PDIA3: variants seen among roughly 807,000 people sequenced by gnomAD.
PDIA3 encodes the protein protein disulfide isomerase family A member 3.
Under a neutral mutation model 56.9 loss-of-function variants are expected in PDIA3, and 16 were observed. The observed-to-expected ratio is 0.28, with a 90% confidence interval of 0.19 to 0.43. The LOEUF is 0.43. Ranked by LOEUF, PDIA3 falls within the 20% of genes least tolerant of loss-of-function variation. The pLI is 1.00. For synonymous variants in PDIA3, 192 were observed against 216.5 expected, an observed-to-expected ratio of 0.89 and a Z score of 0.99; for missense variants, 485 against 621.3, an observed-to-expected ratio of 0.78 and a Z score of 2.33.
intron 1 of PDIA3, among the ~76,000 whole-genome samples, chr15:43,749,299 G>A (rs1418717867): frequency 1.3e-5 from 2 of 151,774 alleles, no homozygotes; most frequent in African/African-American, 4.8e-5. Context: ...CACCATGTTA[G>A]CCTGATGGTG....
chr15:43,754,422 A>T, intron 2 of PDIA3, among the ~76,000 whole-genome samples: 1 of 151,376 alleles, frequency 6.6e-6, no homozygotes, highest in East Asian at 1.9e-4. Context: ...AATTAAAAGT[A>T]GTGAGAGTAA....
intron 1 of PDIA3, among the ~76,000 whole-genome samples, chr15:43,747,763 CTT>C (rs1252057126): frequency 1.3e-5 from 2 of 152,080 alleles, no homozygotes; most frequent in African/African-American, 4.8e-5. Context: ...TTGTGTATAA[CTT>C]TTATTTGCTT....
At chr15:43,766,626 C>A in intron 7 of PDIA3, 102 bp from the exon 8 acceptor site, 1 of 877,730 alleles carries the variant, frequency 1.1e-6, no homozygotes, top group East Asian at 2.6e-5. Flanking sequence ...AAGGCTAGAA[C>A]TATAGAACTT....
At chr15:43,770,174 T>G (rs1297447135) in intron 10 of PDIA3, 76 bp from the exon 11 acceptor site, 2 of 1,166,638 alleles carry the variant, frequency 1.7e-6, no homozygotes, top group Non-Finnish European at 1.3e-6. Context: ...GAGATTGTTT[T>G]AAGTCTTCAA....
intron 9 of PDIA3, 89 bp downstream of exon 9, chr15:43,768,686 G>A (rs933679789): frequency 1.9e-5 from 16 of 830,596 alleles, no homozygotes; most frequent in South Asian, 4.7e-5. Flanking sequence ...TGAAGACTTC[G>A]TTGGCCATCT....
At chr15:43,766,649 C>A in intron 7 of PDIA3, 79 bp from the exon 8 acceptor site, 2 of 1,123,054 alleles carry the variant, frequency 1.8e-6, no homozygotes, top group South Asian at 1.5e-5. Context: ...TCTTTGCTTT[C>A]CAATCACTTG....
At chr15:43,760,320 G>C (rs1220412012) in intron 3 of PDIA3, among the ~76,000 whole-genome samples, 2 of 151,496 alleles carry the variant, frequency 1.3e-5, no homozygotes, top group Non-Finnish European at 2.9e-5. Context: ...GACCCTGGGA[G>C]GTCGAGGCTG....
chr15:43,749,385 G>C (rs567972965), intron 1 of PDIA3, among the ~76,000 whole-genome samples: 36 of 152,262 alleles, frequency 2.4e-4, no homozygotes, highest in Non-Finnish European at 4.1e-4. Context: ...CACCTAGCCT[G>C]GCCTCTGTAT....
At position 43,746,612 on chromosome 15, in the gene PDIA3, T is replaced by A; in HGVS notation, c.73T>A (p.Ser25Thr). ...LLAAARLAAA[S>T]DVLELTDDNF... ...TGCCGCGGCCCGCCTCGCCGCTGCC[T>A]CCGACGTGCTAGAACTCACGGACGA... Residue 25 changes from serine to threonine, a missense_variant, in exon 1 of 13, where the codon TCC becomes ACC. Coordinates refer to ENST00000300289, the MANE Select transcript of PDIA3 (RefSeq NM_005313.5). 6.2e-7 allele frequency: 1 copy of A among 1,612,688 alleles called. No individual in the cohort carries two copies. The highest frequency in any genetic ancestry group is 1.1e-5 in the South Asian group (1 of 91,084).
rs147342240 is a variant in PDIA3 at position 43,761,500 on chromosome 15, A to G, written c.441A>G (p.Lys147=). ...TCAGGACTGAGGAAGAATTTAAGAA[A>G]TTCATTAGTGATAAAGATGCCTCTA... is the stretch of plus-strand genomic sequence containing the variant. The part of the protein sequence containing the change: ...VPLRTEEEFK[K]FISDKDASIV... The change falls in exon 4 of 13, where the codon AAA becomes AAG. Residue 147 remains lysine (K), a synonymous_variant. Coordinates refer to ENST00000300289, the MANE Select transcript of PDIA3 (RefSeq NM_005313.5). 1.9e-6 allele frequency: 3 copies of G among 1,587,064 alleles called. No homozygotes were observed. Among genetic ancestry groups the G allele is most frequent in the Non-Finnish European group, 2.6e-6 (3 of 1,157,642 alleles).
At chr15:43,750,060 A>AGCTTGCTTTGCTTGCTTT (rs112851722) in intron 1 of PDIA3, among the ~76,000 whole-genome samples, 7 of 144,660 alleles carry the variant, frequency 4.8e-5, no homozygotes, top group South Asian at 2.2e-4. Context: ...GAAAGGTGAA[A>AGCTTGCTTTGCTTGCTTT]GCTTGCTTTG....
At position 43,770,549 on chromosome 15, in the gene PDIA3, C is replaced by T. The variant is rs1434944582; in HGVS notation, c.1373C>T (p.Ala458Val). Residue 458 changes from alanine to valine, a missense_variant, in exon 12 of 13, where the codon GCC becomes GTC. Coordinates refer to ENST00000300289, the MANE Select transcript of PDIA3 (RefSeq NM_005313.5). ...RGFPTIYFSP[A>V]NKKLNPKKYE... ...TTTCCTACCATATACTTCTCTCCAG[C>T]CAACAAGAAGCTAAATCCAAAGAAA... 2 of 1,611,826 alleles carry T rather than the reference C, an allele frequency of 1.2e-6. No individual in the cohort carries two copies. Among genetic ancestry groups the T allele is most frequent in the African/African-American group, 2.7e-5 (2 of 74,994 alleles).
At chr15:43,755,735 G>A (rs1295642308) in intron 2 of PDIA3, among the ~76,000 whole-genome samples, 1 of 152,058 alleles carries the variant, frequency 6.6e-6, no homozygotes, top group Non-Finnish European at 1.5e-5. Flanking sequence ...CCAACATGGT[G>A]AAACCCCGTC....
intron 4 of PDIA3, among the ~76,000 whole-genome samples, chr15:43,762,289 AT>A (rs748230416): frequency 6.2e-4 from 95 of 152,278 alleles, no homozygotes; most frequent in Middle Eastern, 3.4e-3. Context: ...AAGCGGGCGG[AT>A]CACCTGAGGT....
intron 1 of PDIA3, among the ~76,000 whole-genome samples, chr15:43,752,112 T>A (rs985351489): frequency 1.3e-5 from 2 of 152,246 alleles, no homozygotes; most frequent in Non-Finnish European, 2.9e-5. Context: ...GTAGTCTTAG[T>A]ACACGTGCAC....
rs906611105 is a variant in PDIA3 at position 43,770,115 on chromosome 15, G to A, written c.1267-135G>A. The A allele has an allele frequency of 6.4e-5, 43 of 671,590 alleles. No individual in the cohort carries two copies. In the South Asian group the frequency reaches 7.2e-4, roughly 11 times the overall value. The allele number at this position is 671,590 out of a possible 1,614,324, so 41.6% of individuals were successfully genotyped here. On this transcript the variant is annotated intron_variant, in intron 10 of 12. Transcript: ENST00000300289. ...CAGTTTATCTGCTGGAATTACAGGTGCGCACCACCACACCCGGCTAATTTT... is the reference window on the plus strand; with the variant it reads ...CAGTTTATCTGCTGGAATTACAGGTACGCACCACCACACCCGGCTAATTTT...
At position 43,746,499 on chromosome 15, in the gene PDIA3, A is replaced by C; in HGVS notation, c.-41A>C. 1 of 1,512,474 alleles carries C rather than the reference A, an allele frequency of 6.6e-7. No individual in the cohort carries two copies. Among genetic ancestry groups the C allele is most frequent in the Non-Finnish European group, 8.9e-7 (1 of 1,129,466 alleles). 93.7% of individuals were successfully genotyped at this position (1,512,474 alleles called of 1,614,324 possible). A position where few individuals can be genotyped will look rare whatever the true frequency, so the allele number is the denominator to read the frequency against. On this transcript the variant is annotated 5_prime_UTR_variant, in exon 1 of 13. Transcript: ENST00000300289. ...CGCCCGACCTCCGCAGTCCCAGCCG[A>C]GCCGCGACCCTTCCGGCCGTCCCCA... is the stretch of plus-strand genomic sequence containing the variant.
chr15:43,761,602 A>T (rs1291776006), intron 4 of PDIA3, 71 bp downstream of exon 4: 1 of 835,152 alleles, frequency 1.2e-6, no homozygotes. Context: ...TGTCTGGGAA[A>T]ACCACAGAAT....
rs553813975 is a variant in PDIA3 at position 43,756,740 on chromosome 15, G to T, written c.338G>T (p.Gly113Val). 18 of 1,603,126 alleles carry T rather than the reference G, an allele frequency of 1.1e-5. No individual in the cohort carries two copies. Among genetic ancestry groups the T allele is most frequent in the Non-Finnish European group, 1.5e-5 (18 of 1,171,624 alleles). Residue 113 changes from glycine (G) to valine (V), a missense_variant, in exon 3 of 13, where the codon GGT (glycine) becomes GTT (valine). Coordinates refer to ENST00000300289, the MANE Select transcript of PDIA3 (RefSeq NM_005313.5). ...LKIFRDGEEA[G>V]AYDGPRTADG... ...ATATTTAGAGATGGTGAAGAAGCAG[G>T]TGCTTATGATGGACCTAGGACTGCT...
Sources: gnomAD v4.1 joint callset for allele counts (sites outside exome capture counted in the v4.1 genomes callset) on GRCh38, gnomAD v4.1.1 for gene constraint, MANE v1.5 for transcripts, NCBI Gene and HGNC (gene_info 2026-07-23, HGNC 2026-07-21) for gene names.